CEP135: variants seen among roughly 807,000 people sequenced by gnomAD.
CEP135 encodes the protein centrosomal protein 135, also known as centrosomal protein of 135 kDa.
CEP135 carries 142 observed loss-of-function variants against 157.3 expected under a neutral mutation model. The ratio of observed to expected loss-of-function variants is 0.90; its 90% confidence interval spans 0.79 to 1.04. The LOEUF is 1.04. Ranked by LOEUF, CEP135 falls within the 50% of genes least tolerant of loss-of-function variation. The pLI is 0.00. For missense variants in CEP135, 1,317 were observed against 1,309.2 expected, an observed-to-expected ratio of 1.01 and a Z score of -0.09; for synonymous variants, 396 against 439.8, an observed-to-expected ratio of 0.90 and a Z score of 1.25.
intron 13 of CEP135, among the ~76,000 whole-genome samples, chr4:55,983,428 T>C (rs1458946523): frequency 3.3e-5 from 5 of 152,186 alleles, no homozygotes; most frequent in Non-Finnish European, 7.3e-5. Context: ...TTCCCATTAT[T>C]CCACTATCTA....
At chr4:55,998,501 C>G (rs937201436) in intron 15 of CEP135, among the ~76,000 whole-genome samples, 2 of 152,192 alleles carry the variant, frequency 1.3e-5, no homozygotes, top group African/African-American at 4.8e-5. Flanking sequence ...GAAATGCCTA[C>G]TTTCCCTGCT....
intron 14 of CEP135, among the ~76,000 whole-genome samples, chr4:55,988,829 C>A (rs923097899): frequency 6.6e-6 from 1 of 151,090 alleles, no homozygotes; most frequent in Admixed American, 6.6e-5. Context: ...GGCGTGGTGG[C>A]GGGCGCATGT....
At chr4:55,958,939 C>T (rs1426187499) in intron 5 of CEP135, among the ~76,000 whole-genome samples, 1 of 151,990 alleles carries the variant, frequency 6.6e-6, no homozygotes, top group African/African-American at 2.4e-5. Context: ...TTAAAAATTA[C>T]CCAAGTGTGG....
chr4:56,009,801 A>T lies in CEP135; in HGVS notation c.2403A>T (p.Ala801=), dbSNP rs766001846. 13 of 1,614,108 alleles carry T rather than the reference A, an allele frequency of 8.1e-6. No homozygotes were observed. Among genetic ancestry groups the T allele is most frequent in the Non-Finnish European group, 1.0e-5 (12 of 1,180,000 alleles). ...EINSLRRQLD[A]AHKELDEVGR... ...ACAGCCTCCGGCGCCAGCTTGATGC[A>T]GCTCACAAAGAACTCGATGAAGTAG... Residue 801 remains alanine (A), a synonymous_variant, in exon 19 of 26, where the codon GCA becomes GCT. Transcript: ENST00000257287.
chr4:55,981,308 GA>G lies in CEP135; in HGVS notation c.1713del (p.Glu572AsnfsTer7). On this transcript the variant is annotated frameshift_variant, in exon 13 of 26. Coordinates refer to ENST00000257287, the MANE Select transcript of CEP135 (RefSeq NM_025009.5). LOFTEE classifies it high-confidence loss of function. ...TAATATTGTTAGTCTTATGGAAAAGGAAAAAGAACTTGCGTTATCTGACTTA... is the reference window on the plus strand; with the variant it reads ...TAATATTGTTAGTCTTATGGAAAAGGAAAAGAACTTGCGTTATCTGACTTA... ...PHNIVSLMEK[E>X]KELALSDLRR... 1 of 1,596,726 alleles carries G rather than the reference GA, an allele frequency of 6.3e-7. No homozygotes were observed. The highest frequency in any genetic ancestry group is 8.5e-7 in the Non-Finnish European group (1 of 1,174,688).
At chr4:55,985,379 TG>T in intron 14 of CEP135, 21 bp downstream of exon 14, 1 of 1,371,986 alleles carries the variant, frequency 7.3e-7, no homozygotes, top group Middle Eastern at 1.8e-4. Flanking sequence ...AAACTGGATT[TG>T]GGGTATCTTG....
At chr4:55,980,851 G>T (rs1207143504) in intron 12 of CEP135, among the ~76,000 whole-genome samples, 1 of 152,142 alleles carries the variant, frequency 6.6e-6, no homozygotes, top group Admixed American at 6.6e-5. Context: ...AGGGGAAGAG[G>T]CATGCAAGTT....
intron 3 of CEP135, 145 bp downstream of exon 3, chr4:55,953,420 A>G (rs1013774858): frequency 2.2e-5 from 12 of 548,492 alleles, no homozygotes; most frequent in Admixed American, 4.3e-5. Context: ...AGTCCCAGCT[A>G]CTCGGGAGTT....
intron 18 of CEP135, 126 bp downstream of exon 18, chr4:56,008,508 A>G: frequency 1.4e-6 from 1 of 719,482 alleles, no homozygotes; most frequent in South Asian, 1.8e-5. Flanking sequence ...TGTCAATGGT[A>G]GCATCATTTT....
intron 1 of CEP135, among the ~76,000 whole-genome samples, chr4:55,951,086 T>C (rs934062303): frequency 6.6e-6 from 1 of 152,236 alleles, no homozygotes; most frequent in Non-Finnish European, 1.5e-5. Flanking sequence ...GCTGTTGATG[T>C]GTATCAGTAG....
intron 17 of CEP135, among the ~76,000 whole-genome samples, chr4:56,005,322 G>C (rs890554434): frequency 6.6e-6 from 1 of 152,126 alleles, no homozygotes; most frequent in Non-Finnish European, 1.5e-5. Flanking sequence ...ATATTCAGGA[G>C]CCTGAGGCAG....
intron 21 of CEP135, among the ~76,000 whole-genome samples, chr4:56,016,189 A>G (rs1047725973): frequency 6.6e-6 from 1 of 152,198 alleles, no homozygotes; most frequent in Non-Finnish European, 1.5e-5. Flanking sequence ...ACCAGAAGCT[A>G]GGAGAGAGGC....
At chr4:56,028,469 T>C (rs1165279968) in intron 25 of CEP135, among the ~76,000 whole-genome samples, 1 of 152,240 alleles carries the variant, frequency 6.6e-6, no homozygotes, top group Non-Finnish European at 1.5e-5. Flanking sequence ...TTTATAACTT[T>C]GTAATAATTT....
intron 8 of CEP135, among the ~76,000 whole-genome samples, chr4:55,967,966 G>T (rs925889527): frequency 1.3e-5 from 2 of 152,128 alleles, no homozygotes; most frequent in Non-Finnish European, 2.9e-5. Flanking sequence ...TGCAAAGAAA[G>T]AATAAAATTA....
intron 17 of CEP135, among the ~76,000 whole-genome samples, chr4:56,007,078 G>C (rs1730372306): frequency 6.6e-6 from 1 of 151,974 alleles, no homozygotes; most frequent in Non-Finnish European, 1.5e-5. Flanking sequence ...ATTTTTAGTA[G>C]AGATGGCATT....
At chr4:55,971,520 C>A in intron 10 of CEP135, 112 bp downstream of exon 10, 1 of 1,040,594 alleles carries the variant, frequency 9.6e-7, no homozygotes, top group Non-Finnish European at 1.4e-6. Flanking sequence ...TTGTTGAGTG[C>A]TTACCATTAG....
chr4:55,949,586 G>A (rs1360074573), intron 1 of CEP135, among the ~76,000 whole-genome samples: 1 of 152,120 alleles, frequency 6.6e-6, no homozygotes, highest in African/African-American at 2.4e-5. Context: ...TTGTCGTTTG[G>A]GGTTTCTTGT....
At chr4:55,983,815 C>T (rs540956531) in intron 13 of CEP135, among the ~76,000 whole-genome samples, 12 of 152,208 alleles carry the variant, frequency 7.9e-5, no homozygotes, top group South Asian at 6.2e-4. Flanking sequence ...CCACCATGCC[C>T]GACCTGTAAT....
intron 15 of CEP135, 83 bp downstream of exon 15, chr4:55,992,168 C>A: frequency 1.5e-6 from 2 of 1,365,668 alleles, no homozygotes; most frequent in Non-Finnish European, 2.0e-6. Flanking sequence ...GCATTTTGGA[C>A]TGGGCCTTTG....
Sources: allele counts gnomAD v4.1 joint callset (sites outside exome capture counted in the v4.1 genomes callset), GRCh38; gene constraint gnomAD v4.1.1; transcripts MANE v1.5; gene names NCBI Gene and HGNC (gene_info 2026-07-23, HGNC 2026-07-21).